Variants in WNK4 observed in about 807,000 individuals in gnomAD.
WNK4 encodes the protein serine/threonine-protein kinase WNK4.
A neutral mutation model predicts 116.2 loss-of-function variants in WNK4; 94 were observed. The observed-to-expected ratio is 0.81, with a 90% CI of 0.68 to 0.96. The LOEUF (loss-of-function observed/expected upper bound fraction) is 0.96, where lower values mean the gene tolerates loss of function less well. Ranked by LOEUF, WNK4 falls within the 40% of genes least tolerant of loss-of-function variation. The pLI, the probability that WNK4 is intolerant of heterozygous loss-of-function variation, is 0.00. For synonymous variants in WNK4, 655 were observed against 672.7 expected (o/e 0.97, Z 0.41); for missense variants, 1,542 against 1,650.6 (o/e 0.93, Z 1.14).
rs2054650116 is a variant in WNK4, at chr17:42,795,102, C to T, written c.2681C>T (p.Pro894Leu). Residue 894 changes from proline to leucine, a missense_variant, in exon 14 of 19, where the codon CCC (proline) becomes CTC (leucine). Around this residue, in one of 7 missense-constraint regions of WNK4, gnomAD observed 292 missense variants for 290.1 expected, o/e 1.01. Transcript: ENST00000246914. Reference protein sequence around the residue: ...LPTTSPPTFSPTCSQVTLSSP... With the variant: ...LPTTSPPTFSLTCSQVTLSSP... ...ACGACTTCTCCACCTACGTTCTCTCCCACTTGTTCTCAGGTCACTCTTAGT... is the reference window on the plus strand; with the variant it reads ...ACGACTTCTCCACCTACGTTCTCTCTCACTTGTTCTCAGGTCACTCTTAGT... 1 of 1,614,116 alleles carries T rather than the reference C, an allele frequency of 6.2e-7. No homozygotes were observed. The highest frequency in any genetic ancestry group is 8.5e-7 in the Non-Finnish European group (1 of 1,180,026).
chr17:42,781,259 G>A lies in WNK4; in HGVS notation c.561G>A (p.Thr187=). 3 of 1,614,170 alleles carry A rather than the reference G, an allele frequency of 1.9e-6. No individual in the cohort carries two copies. Among genetic ancestry groups the A allele is most frequent in the Non-Finnish European group, 2.5e-6 (3 of 1,180,022 alleles). ...AGATTGGACGTGGCTCCTTCAAGAC[G>A]GTGTATCGAGGGCTAGACACCGACA... ...DIEIGRGSFK[T]VYRGLDTDTT... is the part of the protein sequence containing the mutation. The change falls in exon 1 of 19, where the codon ACG becomes ACA. Residue 187 remains threonine, a synonymous_variant. Coordinates refer to ENST00000246914, the MANE Select transcript of WNK4 (RefSeq NM_032387.5).
intron 10 of WNK4, 52 bp downstream of exon 10, chr17:42,788,459 G>T: frequency 1.3e-6 from 2 of 1,579,018 alleles, no homozygotes; most frequent in Non-Finnish European, 1.7e-6. Context: ...CAGGAGGGAA[G>T]TGTCAGGGGG....
Position 42,784,536 on chromosome 17 carries a change from C to T in WNK4, c.1127C>T (p.Ser376Phe). The change falls in exon 4 of 19, where the codon TCC (serine) becomes TTC (phenylalanine). Residue 376 changes from serine (S) to phenylalanine (F), a missense_variant. Physicochemically the swap from Ser to Phe is radical, Grantham distance 155. This residue lies in a region of WNK4 where 808 missense variants were observed against 873.6 expected (regional missense o/e 0.92). Transcript: ENST00000246914. This position sits in a 1 kb window ranked among gnomAD's most constrained non-coding sequence, Gnocchi z 4.4. ...ATGGCCACCTCTGAGTACCCGTACTCCGAGTGCCAGAATGCCGCGCAAATC... is the reference window on the plus strand; with the variant it reads ...ATGGCCACCTCTGAGTACCCGTACTTCGAGTGCCAGAATGCCGCGCAAATC... The part of the protein sequence containing the change: ...LEMATSEYPY[S>F]ECQNAAQIYR... The T allele has an allele frequency of 6.2e-7, 1 of 1,614,152 alleles. No homozygotes were observed. Among genetic ancestry groups the T allele is most frequent in the Non-Finnish European group, 8.5e-7 (1 of 1,180,034 alleles).
At position 42,780,616 on chromosome 17, in the gene WNK4, C is replaced by T; in HGVS notation, c.-83C>T. ...GGGCCGCAGCCGCTCAGCCGGAGCG[C>T]AGCGCACCCAGCGAGTCCGTCTGTC... On this transcript the variant is annotated 5_prime_UTR_variant, in exon 1 of 19. Transcript: ENST00000246914. 1 of 1,565,298 alleles carries T rather than the reference C, an allele frequency of 6.4e-7. No homozygotes were observed. Among genetic ancestry groups the T allele is most frequent in the Non-Finnish European group, 8.6e-7 (1 of 1,158,098 alleles).
chr17:42,785,533 T>G (rs1021766324), intron 6 of WNK4, 51 bp downstream of exon 6: 33 of 1,546,180 alleles, frequency 2.1e-5, no homozygotes, highest in Non-Finnish European at 2.9e-5. Context: ...GGACATTGAC[T>G]CGAGGGGACA....
Position 42,787,521 on chromosome 17 carries a change from G to T in WNK4, c.1720G>T (p.Ala574Ser), listed in dbSNP as rs748755460. The T allele has an allele frequency of 8.7e-6, 14 of 1,610,456 alleles. No individual in the cohort carries two copies. The highest frequency in any genetic ancestry group is 1.2e-5 in the Non-Finnish European group (14 of 1,179,682). Residue 574 changes from alanine to serine, a missense_variant, in exon 7 of 19, where the codon GCC becomes TCC. Coordinates refer to ENST00000246914, the MANE Select transcript of WNK4 (RefSeq NM_032387.5). Reference protein sequence around the residue: ...DQHQPFLFRHASYSSTTSDCE... With the variant: ...DQHQPFLFRHSSYSSTTSDCE... ...GCACCAGCCCTTCCTTTTCCGCCAC[G>T]CCAGCTACTCATCTACCACTTGTAA... is the stretch of plus-strand genomic sequence containing the variant.
intron 10 of WNK4, 70 bp from the exon 11 acceptor site, chr17:42,788,611 G>C: frequency 7.4e-7 from 1 of 1,349,750 alleles, no homozygotes; most frequent in Non-Finnish European, 1.1e-6. Flanking sequence ...CACTTGGCTG[G>C]GGTAGGGTGG....
rs1367012348 is a variant in WNK4, at chr17:42,782,114, A to G, written c.619-644A>G. Reference sequence around the variant, plus strand: ...GAGCCTAGGGGAAGGGTCCCTCTCCAGCCCTGGCACAGGGCTCGCCCCTTG... The same window carrying G: ...GAGCCTAGGGGAAGGGTCCCTCTCCGGCCCTGGCACAGGGCTCGCCCCTTG... On this transcript the variant is annotated intron_variant, in intron 1 of 18. Coordinates refer to ENST00000246914, the MANE Select transcript of WNK4 (RefSeq NM_032387.5). This position sits in a 1 kb window ranked among gnomAD's most constrained non-coding sequence, Gnocchi z 4.2. 2.0e-5 allele frequency among the ~76,000 whole-genome samples: 3 copies of G among 151,954 alleles called. No homozygotes were observed. The highest frequency in any genetic ancestry group is 4.8e-5 in the African/African-American group (2 of 41,388).
chr17:42,796,131 C>G lies in WNK4; in HGVS notation c.3440C>G (p.Ser1147Ter). The part of the protein sequence containing the change: ...ELQSLRQKHL[S>*]EVETLQTLQK... ...CCTCCGTGCATCCTCAGGCACTTGT[C>G]AGAGGTGGAAACACTACAGACACTA... is the stretch of plus-strand genomic sequence containing the variant. Residue 1147 changes from serine to a stop codon, truncating the protein, a stop_gained, in exon 17 of 19, where the codon TCA becomes TGA. Transcript: ENST00000246914. LOFTEE classifies it high-confidence loss of function. 1 of 1,614,048 alleles carries G rather than the reference C, an allele frequency of 6.2e-7. No individual in the cohort carries two copies. Among genetic ancestry groups the G allele is most frequent in the South Asian group, 1.1e-5 (1 of 91,058 alleles).
intron 6 of WNK4, among the ~76,000 whole-genome samples, chr17:42,785,934 A>G (rs2054545128): frequency 6.6e-6 from 1 of 152,128 alleles, no homozygotes; most frequent in African/African-American, 2.4e-5. Flanking sequence ...AAACCTGAAT[A>G]AGTTCCTATC....
intron 17 of WNK4, 61 bp from the exon 18 acceptor site, chr17:42,796,420 C>T: frequency 6.2e-7 from 1 of 1,613,774 alleles, no homozygotes; most frequent in Non-Finnish European, 8.5e-7. Context: ...GGGGAATAGA[C>T]CCCCTCTCCC....
At chr17:42,783,864 A>T (rs762298742) in intron 2 of WNK4, 73 bp from the exon 3 acceptor site, 3 of 1,437,968 alleles carry the variant, frequency 2.1e-6, no homozygotes, top group Non-Finnish European at 2.9e-6. Flanking sequence ...GCAGGGGGGA[A>T]CTTCCCAGTG....
At chr17:42,795,547 C>A in intron 15 of WNK4, 26 bp downstream of exon 15, 1 of 1,614,212 alleles carries the variant, frequency 6.2e-7, no homozygotes, top group Non-Finnish European at 8.5e-7. Context: ...ACTGACCTTC[C>A]CCTGCCATTA....
In WNK4 at chr17:42,782,755, C is replaced by G; in HGVS notation, c.619-3C>G. 1.9e-6 allele frequency: 3 copies of G among 1,614,078 alleles called. No homozygotes were observed. Among genetic ancestry groups the G allele is most frequent in the Non-Finnish European group, 2.5e-6 (3 of 1,180,024 alleles). ...GACATGACACCCGTCCCCCATCCCA[C>G]AGACTCGGAAACTGTCTAGAGCTGA... is the stretch of plus-strand genomic sequence containing the variant. On this transcript the variant is annotated splice_region_variant and splice_polypyrimidine_tract_variant and intron_variant, in intron 1 of 18. Coordinates refer to ENST00000246914, the MANE Select transcript of WNK4 (RefSeq NM_032387.5). The surrounding 1 kb of genome is among the most constrained non-coding windows in gnomAD (Gnocchi z 4.2).
chr17:42,794,282 A>C, intron 12 of WNK4: 1 of 404,610 alleles, frequency 2.5e-6, no homozygotes, highest in Non-Finnish European at 4.5e-6. Context: ...TGTGGAGAGA[A>C]GTTGCAAGAA....
At chr17:42,795,424 C>T in intron 14 of WNK4, 37 bp from the exon 15 acceptor site, 1 of 1,614,170 alleles carries the variant, frequency 6.2e-7, no homozygotes, top group Non-Finnish European at 8.5e-7. Flanking sequence ...AGACTCCACT[C>T]TGCACTCTTC....
intron 2 of WNK4, among the ~76,000 whole-genome samples, chr17:42,783,371 C>T (rs1399590758): frequency 6.6e-6 from 1 of 152,194 alleles, no homozygotes; most frequent in African/African-American, 2.4e-5. Context: ...TCACTCCCCT[C>T]CTTAAAACCC....
At chr17:42,790,112 G>A (rs1263545621) in intron 11 of WNK4, among the ~76,000 whole-genome samples, 1 of 152,210 alleles carries the variant, frequency 6.6e-6, no homozygotes, top group Non-Finnish European at 1.5e-5. Flanking sequence ...AAATACCTGG[G>A]AGGTAGACCC....
In WNK4 at chr17:42,788,751, G is replaced by A. The variant is rs150554297; in HGVS notation, c.2111G>A (p.Arg704Gln). The change falls in exon 11 of 19, where the codon CGA becomes CAA. Residue 704 changes from arginine (R) to glutamine (Q), a missense_variant. Coordinates refer to ENST00000246914, the MANE Select transcript of WNK4 (RefSeq NM_032387.5). ...QTHNSKMVTFRFDLDGDSPEE... is the reference protein window; with the variant it reads ...QTHNSKMVTFQFDLDGDSPEE... ...CATAACAGCAAGATGGTGACCTTCC[G>A]ATTTGATCTGGATGGGGACAGCCCG... 6.8e-6 allele frequency: 11 copies of A among 1,614,152 alleles called. No homozygotes were observed. The East Asian group carries it at 8.9e-5, about 13-fold the overall frequency.
Sources: gnomAD v4.1 joint callset for allele counts (sites outside exome capture counted in the v4.1 genomes callset) on GRCh38, gnomAD v4.1.1 for gene constraint, gnomAD v4.1.1 regional missense constraint, Gnocchi (gnomAD v3.1) non-coding constraint, MANE v1.5 for transcripts, NCBI Gene and HGNC (gene_info 2026-07-23, HGNC 2026-07-21) for gene names.